Variants in EGF observed in about 807,000 individuals in gnomAD.
EGF encodes the protein epidermal growth factor.
In EGF, 95 loss-of-function variants were observed where a neutral mutation model predicts 143.8. The ratio of observed to expected loss-of-function variants is 0.66; its 90% confidence interval spans 0.56 to 0.78. The LOEUF (loss-of-function observed/expected upper bound fraction) is 0.78. EGF is among the 30% of genes least tolerant of loss of function. EGF has a pLI of 0.00. For synonymous variants in EGF, 510 were observed against 510.5 expected (o/e 1.00, Z 0.01); for missense variants, 1,320 against 1,470.9 (o/e 0.90, Z 1.68).
chr4:109,951,496 C>T (rs1743928240), intron 5 of EGF, among the ~76,000 whole-genome samples: 1 of 152,074 alleles, frequency 6.6e-6, no homozygotes, highest in South Asian at 2.1e-4. Context: ...TTGTTTGTTT[C>T]AGTTAGAATT....
intron 10 of EGF, chr4:109,968,707 T>TCTATCTATCTATCTATCTACCTAC (rs139653683): frequency 5.4e-5 from 19 of 351,486 alleles, no homozygotes; most frequent in African/African-American, 2.9e-4. Flanking sequence ...TATCTATCTA[T>TCTATCTATCTATCTATCTACCTAC]CTACCTACCT....
At chr4:110,007,910 A>G (rs1753523452) in intron 22 of EGF, among the ~76,000 whole-genome samples, 1 of 152,212 alleles carries the variant, frequency 6.6e-6, no homozygotes, top group Non-Finnish European at 1.5e-5. Context: ...TTCCATAATT[A>G]GAATAGATTC....
At chr4:110,004,317 T>G in intron 21 of EGF, 188 bp from the exon 22 acceptor site, 1 of 684,216 alleles carries the variant, frequency 1.5e-6, no homozygotes, top group East Asian at 2.6e-5. Flanking sequence ...GGAAAGCATT[T>G]TGAGTTCTGC....
In EGF at chr4:109,977,100, A is replaced by G. The variant is rs78879402; in HGVS notation, c.2053+865A>G. ...ACATTGTCATTTAAAAATGGAATGA[A>G]GGATTATGATATTAAAAATTATTGT... On this transcript the variant is annotated intron_variant, in intron 13 of 23. Coordinates refer to ENST00000265171, the MANE Select transcript of EGF (RefSeq NM_001963.6). Among the ~76,000 whole-genome samples the G allele has an allele frequency of 4.8e-3, 734 of 152,302 alleles. 7 individuals carry two copies. Among genetic ancestry groups the G allele is most frequent in the African/African-American group, 0.017 (710 of 41,552 alleles).
chr4:110,007,765 T>C (rs1209453110), intron 22 of EGF, among the ~76,000 whole-genome samples: 4 of 152,202 alleles, frequency 2.6e-5, no homozygotes, highest in African/African-American at 9.7e-5. Context: ...CGTGTGTGTG[T>C]ATGAAAAGTT....
At chr4:109,932,377 A>ATATATAT (rs1553929849) in intron 1 of EGF, among the ~76,000 whole-genome samples, 67 of 123,956 alleles carry the variant, frequency 5.4e-4, no homozygotes, top group African/African-American at 1.6e-3. Context: ...ATATATATAT[A>ATATATAT]AATTTTTTTT....
intron 16 of EGF, among the ~76,000 whole-genome samples, chr4:109,985,653 G>A (rs931550910): frequency 6.6e-6 from 1 of 152,158 alleles, no homozygotes; most frequent in African/African-American, 2.4e-5. Context: ...GTTCCTGACC[G>A]GGCTAGGGCT....
At chr4:110,005,353 TTTTCTTAATA>T (rs1006606413) in intron 22 of EGF, among the ~76,000 whole-genome samples, 17 of 152,192 alleles carry the variant, frequency 1.1e-4, no homozygotes, top group South Asian at 2.1e-4. Context: ...ATTTTCTTAA[TTTTCTTAATA>T]TTTCTTAATA....
intron 10 of EGF, among the ~76,000 whole-genome samples, chr4:109,965,069 CA>C (rs1420031500): frequency 6.6e-6 from 1 of 152,012 alleles, no homozygotes; most frequent in East Asian, 1.9e-4. Flanking sequence ...TTTACATAAA[CA>C]TTTTATATAA....
chr4:109,976,672 T>A (rs562284137), intron 13 of EGF, among the ~76,000 whole-genome samples: 50 of 152,298 alleles, frequency 3.3e-4, no homozygotes, highest in African/African-American at 1.2e-3. Flanking sequence ...TGTCATATAT[T>A]TTCATAAATA....
rs769369081 is a variant in EGF, at chr4:109,959,391, G to A, written c.1020G>A (p.Met340Ile). The A allele has an allele frequency of 1.2e-6, 2 of 1,613,366 alleles. No individual in the cohort carries two copies. The highest frequency in any genetic ancestry group is 2.2e-5 in the East Asian group (1 of 44,868). The change falls in exon 6 of 24, where the codon ATG becomes ATA. Residue 340 changes from methionine to isoleucine, a missense_variant. By Grantham distance (10) the Met-to-Ile change is conservative. This residue lies in a region of EGF where 1,186 missense variants were observed against 1,313.7 expected (regional missense o/e 0.90). Coordinates refer to ENST00000265171, the MANE Select transcript of EGF (RefSeq NM_001963.6). Reference sequence around the variant, plus strand: ...AAGACCTCCAGTCACACTTGTGCATGTGTGCAGAGGGATACGCCCTAAGTC... The same window carrying A: ...AAGACCTCCAGTCACACTTGTGCATATGTGCAGAGGGATACGCCCTAAGTC... Reference protein sequence around the residue: ...CGQDLQSHLCMCAEGYALSRD... With the variant: ...CGQDLQSHLCICAEGYALSRD...
At chr4:109,957,557 T>A (rs1744994890) in intron 5 of EGF, among the ~76,000 whole-genome samples, 1 of 152,220 alleles carries the variant, frequency 6.6e-6, no homozygotes, top group African/African-American at 2.4e-5. Flanking sequence ...TGTGTTGAAA[T>A]TTTATCTTTT....
At chr4:109,988,775 G>A in intron 18 of EGF, 66 bp downstream of exon 18, 1 of 1,608,398 alleles carries the variant, frequency 6.2e-7, no homozygotes, top group African/African-American at 1.3e-5. Context: ...AACAATGTGG[G>A]TGCATGAGCA....
At chr4:109,980,557 A>G (rs554860145) in intron 14 of EGF, 4 of 514,876 alleles carry the variant, frequency 7.8e-6, no homozygotes, top group South Asian at 2.2e-5. Flanking sequence ...GAGTCAGGAA[A>G]TAAGAATCAC....
chr4:109,961,964 A>T lies in EGF; in HGVS notation c.1291A>T (p.Arg431Ter), dbSNP rs952154818. The T allele has an allele frequency of 6.2e-7, 1 of 1,613,900 alleles. No homozygotes were observed. The highest frequency in any genetic ancestry group is 1.1e-5 in the South Asian group (1 of 91,084). Residue 431 changes from arginine (R) to a stop codon, truncating the protein, a stop_gained, in exon 8 of 24, where the codon AGA becomes TGA. Coordinates refer to ENST00000265171, the MANE Select transcript of EGF (RefSeq NM_001963.6). LOFTEE classifies it high-confidence loss of function. ...CFCPEGSVLERDGKTCSGCSS... is the reference protein window; with the variant it reads ...CFCPEGSVLE The stretch of plus-strand genomic sequence containing the variant: ...CTGTCCTGAAGGCTCAGTGCTTGAG[A>T]GAGATGGGAAAACATGTAGCGGTGA...
chr4:109,964,499 A>G lies in EGF; in HGVS notation c.1537A>G (p.Met513Val), dbSNP rs773712258. The change falls in exon 10 of 24, where the codon ATG becomes GTG. Residue 513 changes from methionine (M) to valine (V), a missense_variant. Physicochemically the swap from Met to Val is conservative, Grantham distance 21 (BLOSUM62 1). Coordinates refer to ENST00000265171, the MANE Select transcript of EGF (RefSeq NM_001963.6). ...YGTLLSQQMG[M>V]VYALDHDPVE... is the part of the protein sequence containing the mutation. ...AACTCTGCTCAGCCAGCAGATGGGA[A>G]TGGTTTATGCCCTAGATCATGACCC... is the stretch of plus-strand genomic sequence containing the variant. 1.2e-6 allele frequency: 2 copies of G among 1,613,908 alleles called. No homozygotes were observed. Among genetic ancestry groups the G allele is most frequent in the South Asian group, 2.2e-5 (2 of 91,074 alleles).
chr4:109,989,825 T>G (rs1231347621), intron 18 of EGF, among the ~76,000 whole-genome samples: 1 of 152,140 alleles, frequency 6.6e-6, no homozygotes, highest in Non-Finnish European at 1.5e-5. Context: ...GAGCACGCAA[T>G]GGGGTGTGCT....
chr4:110,003,106 A>G (rs758698978), intron 21 of EGF, among the ~76,000 whole-genome samples: 14 of 152,176 alleles, frequency 9.2e-5, no homozygotes, highest in Admixed American at 3.3e-4. Flanking sequence ...GCCATTGCGA[A>G]CAGTGCTGCT....
intron 1 of EGF, among the ~76,000 whole-genome samples, chr4:109,937,088 C>T (rs1423300950): frequency 6.6e-6 from 1 of 151,798 alleles, no homozygotes; most frequent in Non-Finnish European, 1.5e-5. Flanking sequence ...TCTTGAATAT[C>T]CTTGTTAATT....
Sources: allele counts gnomAD v4.1 joint callset (sites outside exome capture counted in the v4.1 genomes callset), GRCh38; gene constraint gnomAD v4.1.1; regional missense constraint gnomAD v4.1.1; transcripts MANE v1.5; gene names NCBI Gene and HGNC (gene_info 2026-07-23, HGNC 2026-07-21).